The following FBN1 variants were observed in gnomAD, a reference collection of about 807,000 sequenced individuals.
The protein encoded by FBN1 is fibrillin-1.
FBN1 carries 29 observed loss-of-function variants against 365.1 expected under a neutral mutation model. That is an observed-to-expected ratio of 0.08 (90% confidence interval 0.06 to 0.11). FBN1 has a LOEUF of 0.11. FBN1 is among the 10% of genes least tolerant of loss of function. FBN1 has a pLI of 1.00. For missense variants in FBN1, 2,476 were observed against 3,703.2 expected (o/e 0.67, Z 8.60); for synonymous variants, 1,210 against 1,270.5 (o/e 0.95, Z 1.01).
At chr15:48,455,713 G>A (rs1174035088) in intron 44 of FBN1, among the ~76,000 whole-genome samples, 1 of 152,222 alleles carries the variant, frequency 6.6e-6, no homozygotes, top group Non-Finnish European at 1.5e-5. Flanking sequence ...AGCAGGCAGA[G>A]TAAGGGACAT....
intron 62 of FBN1, 29 bp from the exon 63 acceptor site, chr15:48,420,835 C>T (rs1288807115): frequency 3.7e-6 from 6 of 1,612,190 alleles, no homozygotes; most frequent in Non-Finnish European, 4.2e-6. Context: ...CACCATGATG[C>T]CAACTCAACA....
rs773123577 is a variant in FBN1, at chr15:48,551,507, C to CT, written c.539-13700dup. On this transcript the variant is annotated intron_variant, in intron 6 of 65. Coordinates refer to ENST00000316623, the MANE Select transcript of FBN1 (RefSeq NM_000138.5). ...AGCCTGGATTCATGAAGACCTTGTTCTTTTTTTTTTTTTTTTAACTTTTAG... is the reference window on the plus strand; with the variant it reads ...AGCCTGGATTCATGAAGACCTTGTTCTTTTTTTTTTTTTTTTTAACTTTTAG... Among the ~76,000 whole-genome samples the CT allele has an allele frequency of 1.7e-3, 230 of 138,944 alleles. 1 individual carries two copies. The highest frequency in any genetic ancestry group is 3.7e-3 in the Middle Eastern group (1 of 268). 91.2% of individuals were successfully genotyped at this position (138,944 alleles called of 152,430 possible).
At chr15:48,561,910 G>C (rs1167251788) in intron 6 of FBN1, among the ~76,000 whole-genome samples, 27 of 147,568 alleles carry the variant, frequency 1.8e-4, no homozygotes, top group Non-Finnish European at 9.0e-5. Flanking sequence ...AGGCTTATTG[G>C]TAAAAAGCCC....
intron 45 of FBN1, among the ~76,000 whole-genome samples, chr15:48,451,599 T>C (rs1465093748): frequency 6.6e-6 from 1 of 152,102 alleles, no homozygotes; most frequent in East Asian, 1.9e-4. Context: ...CCAAGGAAAA[T>C]CTGACCACGT....
intron 61 of FBN1, 87 bp from the exon 62 acceptor site, chr15:48,421,773 G>A (rs2042944400): frequency 3.3e-6 from 5 of 1,514,958 alleles, no homozygotes; most frequent in Non-Finnish European, 3.6e-6. Context: ...AGGATAACTC[G>A]GAAAAGGCCA....
chr15:48,634,078 G>A (rs1200540896), intron 2 of FBN1, among the ~76,000 whole-genome samples: 1 of 152,146 alleles, frequency 6.6e-6, no homozygotes, highest in African/African-American at 2.4e-5. Context: ...AAAAATAAAA[G>A]CATTTAAAAA....
chr15:48,427,859 C>T (rs779084820), intron 57 of FBN1, 86 bp from the exon 58 acceptor site: 3 of 1,211,016 alleles, frequency 2.5e-6, no homozygotes, highest in Non-Finnish European at 3.6e-6. Flanking sequence ...ATATAAAAAC[C>T]AAAAAAGGAT....
chr15:48,557,471 T>C (rs1042498924), intron 6 of FBN1, among the ~76,000 whole-genome samples: 2 of 152,180 alleles, frequency 1.3e-5, no homozygotes, highest in Non-Finnish European at 2.9e-5. Context: ...TTTTTCACCT[T>C]GGAACACGCT....
rs374370492 is a variant in FBN1 at position 48,510,031 on chromosome 15, A to T, written c.1714+13T>A. 10 of 1,612,776 alleles carry T rather than the reference A, an allele frequency of 6.2e-6. No homozygotes were observed. The highest frequency in any genetic ancestry group is 8.5e-6 in the Non-Finnish European group (10 of 1,179,152). ...ATGGAAGGAGAGGACTAACATTAGT[A>T]TACTATTATTACCTTCACAGTTCTT... On this transcript the variant is annotated intron_variant, in intron 14 of 65. Transcript: ENST00000316623.
At chr15:48,467,765 G>T (rs1485463044) in intron 38 of FBN1, among the ~76,000 whole-genome samples, 173 bp downstream of exon 38, 1 of 151,946 alleles carries the variant, frequency 6.6e-6, no homozygotes, top group Admixed American at 6.6e-5. Context: ...CTTTTAGTGT[G>T]AGCCAACCAG....
At chr15:48,422,960 A>G (rs1472142884) in intron 60 of FBN1, among the ~76,000 whole-genome samples, 1 of 151,832 alleles carries the variant, frequency 6.6e-6, no homozygotes, top group Non-Finnish European at 1.5e-5. Context: ...AAAAAACAAA[A>G]AACAAAAAAA....
At chr15:48,602,081 G>GT (rs1163824014) in intron 4 of FBN1, among the ~76,000 whole-genome samples, 1 of 152,024 alleles carries the variant, frequency 6.6e-6, no homozygotes. Flanking sequence ...TAGTCCCTCT[G>GT]TAGAACCCTC....
At chr15:48,564,885 G>C (rs1273377369) in intron 6 of FBN1, among the ~76,000 whole-genome samples, 1 of 152,282 alleles carries the variant, frequency 6.6e-6, no homozygotes, top group East Asian at 1.9e-4. Context: ...TATCTAAACA[G>C]ACCGGCCTAA....
intron 4 of FBN1, among the ~76,000 whole-genome samples, chr15:48,606,341 TTC>T (rs941288006): frequency 2.0e-4 from 31 of 152,282 alleles, no homozygotes; most frequent in African/African-American, 7.2e-4. Flanking sequence ...TCAGATGCCC[TTC>T]AATAGGTGAA....
intron 6 of FBN1, among the ~76,000 whole-genome samples, 181 bp downstream of exon 6, chr15:48,596,102 T>G (rs1476633180): frequency 4.6e-5 from 7 of 152,174 alleles, no homozygotes. Flanking sequence ...TTGCCGAATA[T>G]CATGCATAGA....
rs374174497 is a variant in FBN1 at position 48,503,821 on chromosome 15, C to T, written c.2079G>A (p.Gly693=). The change falls in exon 17 of 66, where the codon GGG becomes GGA. Residue 693 remains glycine (G), a synonymous_variant. Coordinates refer to ENST00000316623, the MANE Select transcript of FBN1 (RefSeq NM_000138.5). ...GTGCAGGACACGGCTGGCAAGGTTC[C>T]CCAAATGCATACTCAGTGCTGGCGC... ...CCCASTEYAF[G]EPCQPCPAQN... is the part of the protein sequence containing the mutation. The T allele has an allele frequency of 2.0e-5, 32 of 1,614,090 alleles. No homozygotes were observed. In the African/African-American group the frequency reaches 3.1e-4, roughly 15 times the overall value.
intron 10 of FBN1, among the ~76,000 whole-genome samples, chr15:48,519,026 G>A (rs1418616932): frequency 6.6e-6 from 1 of 152,142 alleles, no homozygotes; most frequent in African/African-American, 2.4e-5. Context: ...ACCTAAACCT[G>A]CTCTAGTCCT....
chr15:48,605,096 T>C (rs1200442385), intron 4 of FBN1, among the ~76,000 whole-genome samples: 3 of 152,186 alleles, frequency 2.0e-5, no homozygotes, highest in Non-Finnish European at 4.4e-5. Context: ...CAAATTGATA[T>C]ACAGGTTTGA....
intron 6 of FBN1, among the ~76,000 whole-genome samples, chr15:48,591,856 C>T (rs557825995): frequency 6.6e-6 from 1 of 152,142 alleles, no homozygotes; most frequent in African/African-American, 2.4e-5. Flanking sequence ...AAGTACTACA[C>T]AGTGGCTATG....
Sources: gnomAD v4.1 joint callset for allele counts (sites outside exome capture counted in the v4.1 genomes callset) on GRCh38, gnomAD v4.1.1 for gene constraint, MANE v1.5 for transcripts, NCBI Gene and HGNC (gene_info 2026-07-23, HGNC 2026-07-21) for gene names.